PRXL2B: variants seen among roughly 807,000 people sequenced by gnomAD.
The protein encoded by PRXL2B is peroxiredoxin like 2B.
PRXL2B carries 26 observed loss-of-function variants against 24.4 expected under a neutral mutation model. The observed-to-expected ratio is 1.07, with a 90% CI of 0.78 to 1.48. The LOEUF is 1.48. Ranked by LOEUF, PRXL2B falls within the 40% of genes most tolerant of loss-of-function variation. The pLI, the probability that PRXL2B is intolerant of heterozygous loss-of-function variation, is 0.00. For missense variants in PRXL2B, 269 were observed against 264.8 expected (o/e 1.02, Z -0.11); for synonymous variants, 115 against 118.9 (o/e 0.97, Z 0.21).
chr1:2,586,794 C>T lies in PRXL2B; in HGVS notation c.-92C>T, dbSNP rs1004891429. 5 of 1,260,242 alleles carry T rather than the reference C, an allele frequency of 4.0e-6. No individual in the cohort carries two copies. The highest frequency in any genetic ancestry group is 4.2e-5 in the Admixed American group (1 of 23,714). The allele number at this position is 1,260,242 out of a possible 1,614,324, so 78.1% of individuals were successfully genotyped here. ...CTCGGGGCGGGGCTTGGGGCTGGAT[C>T]TATGAGCCGGGAGCGGGGATCCAGG... On this transcript the variant is annotated 5_prime_UTR_variant, in exon 1 of 7. Transcript: ENST00000419916.
chr1:2,589,509 T>C lies in PRXL2B; in HGVS notation c.*82T>C. ...GCTGGAAGTCCACTTGGAAGAACTGTTCCGGAGGCGCTGGGTCGGGATGCC... is the reference window on the plus strand; with the variant it reads ...GCTGGAAGTCCACTTGGAAGAACTGCTCCGGAGGCGCTGGGTCGGGATGCC... On this transcript the variant is annotated 3_prime_UTR_variant, in exon 7 of 7. Coordinates refer to ENST00000419916, the MANE Select transcript of PRXL2B (RefSeq NM_152371.5). 1 of 1,603,258 alleles carries C rather than the reference T, an allele frequency of 6.2e-7. No individual in the cohort carries two copies. The highest frequency in any genetic ancestry group is 8.5e-7 in the Non-Finnish European group (1 of 1,172,416).
chr1:2,587,624 G>T lies in PRXL2B; in HGVS notation c.269-117G>T. On this transcript the variant is annotated intron_variant, in intron 2 of 6. Coordinates refer to ENST00000419916, the MANE Select transcript of PRXL2B (RefSeq NM_152371.5). The surrounding 1 kb of genome is among the most constrained non-coding windows in gnomAD (Gnocchi z 6.1). Reference sequence around the variant, plus strand: ...TCCCTGCCCTGCGGGGGTGGGCTGAGCACGGAGGGTGGGCAGAGGAACAGA... The same window carrying T: ...TCCCTGCCCTGCGGGGGTGGGCTGATCACGGAGGGTGGGCAGAGGAACAGA... The T allele has an allele frequency of 8.0e-7, 1 of 1,252,054 alleles. No individual in the cohort carries two copies. Among genetic ancestry groups the T allele is most frequent in the East Asian group, 2.5e-5 (1 of 39,502 alleles). The allele number at this position is 1,252,054 out of a possible 1,614,324, so 77.6% of individuals were successfully genotyped here. A position where few individuals can be genotyped will look rare whatever the true frequency, so the allele number is the denominator to read the frequency against.
chr1:2,587,226 C>T lies in PRXL2B; in HGVS notation c.199C>T (p.Arg67Cys). 1 of 1,573,816 alleles carries T rather than the reference C, an allele frequency of 6.4e-7. No homozygotes were observed. The highest frequency in any genetic ancestry group is 2.3e-5 in the East Asian group (1 of 43,032). Residue 67 changes from arginine to cysteine, a missense_variant, in exon 2 of 7, where the codon CGC (arginine) becomes TGC (cysteine). By Grantham distance (180) the Arg-to-Cys change is radical. Coordinates refer to ENST00000419916, the MANE Select transcript of PRXL2B (RefSeq NM_152371.5). This position sits in a 1 kb window ranked among gnomAD's most constrained non-coding sequence, Gnocchi z 6.1. ...LAGLLDQHGVRLVGVGPEALG... is the reference protein window; with the variant it reads ...LAGLLDQHGVCLVGVGPEALG... ...TGGGCTCCTGGACCAACACGGCGTG[C>T]GCCTGGTGGGCGTAGGGCCCGAGGC...
intron 5 of PRXL2B, 138 bp from the exon 6 acceptor site, chr1:2,588,784 G>T: frequency 8.5e-7 from 1 of 1,179,560 alleles, no homozygotes. Flanking sequence ...TGGGGCTGTG[G>T]CAGAACAGCT....
rs1285646610 is a variant in PRXL2B, at chr1:2,587,904, C to T, written c.320+112C>T. 7 of 1,268,430 alleles carry T rather than the reference C, an allele frequency of 5.5e-6. No homozygotes were observed. In the South Asian group the frequency reaches 5.7e-5, roughly 10 times the overall value. 78.6% of individuals were successfully genotyped at this position (1,268,430 alleles called of 1,614,324 possible). On this transcript the variant is annotated intron_variant, in intron 3 of 6. Transcript: ENST00000419916. The surrounding 1 kb of genome is among the most constrained non-coding windows in gnomAD (Gnocchi z 6.1). ...CCTCTGTGGTGCTGTCCACTCGGGCCTTCCTGGGCAAGGCGGCTCTGGTGG... is the reference window on the plus strand; with the variant it reads ...CCTCTGTGGTGCTGTCCACTCGGGCTTTCCTGGGCAAGGCGGCTCTGGTGG...
chr1:2,587,420 A>T lies in PRXL2B; in HGVS notation c.268+125A>T, dbSNP rs1644551554. On this transcript the variant is annotated intron_variant, in intron 2 of 6. Coordinates refer to ENST00000419916, the MANE Select transcript of PRXL2B (RefSeq NM_152371.5). The surrounding 1 kb of genome is among the most constrained non-coding windows in gnomAD (Gnocchi z 6.1). The stretch of plus-strand genomic sequence containing the variant: ...AGCGGCCTTGATATGCCCACGGGTC[A>T]GCGTCCCTCATCTCTCCCTGCCTCC... 1 of 1,135,842 alleles carries T rather than the reference A, an allele frequency of 8.8e-7. No homozygotes were observed. The highest frequency in any genetic ancestry group is 1.6e-5 in the African/African-American group (1 of 64,112). The allele number at this position is 1,135,842 out of a possible 1,614,324, so 70.4% of individuals were successfully genotyped here.
rs866708289 is a variant in PRXL2B, at chr1:2,586,935, C to T, written c.50C>T (p.Ala17Val). The change falls in exon 1 of 7, where the codon GCG (alanine) becomes GTG (valine). Residue 17 changes from alanine (A) to valine (V), a missense_variant. Ala to Val is a moderately conservative substitution (Grantham distance 64). Coordinates refer to ENST00000419916, the MANE Select transcript of PRXL2B (RefSeq NM_152371.5). The part of the protein sequence containing the change: ...ARVGACILKH[A>V]VTGEAVELRS... ...GTGGGCGCGTGCATCCTGAAGCATG[C>T]GGTGACCGGGGAGGTGAGGCCGGGT... The T allele has an allele frequency of 7.7e-7, 1 of 1,302,442 alleles. No individual in the cohort carries two copies. The highest frequency in any genetic ancestry group is 2.6e-5 in the South Asian group (1 of 38,938). 80.7% of individuals were successfully genotyped at this position (1,302,442 alleles called of 1,614,324 possible). A position where few individuals can be genotyped will look rare whatever the true frequency, so the allele number is the denominator to read the frequency against.
rs1644671505 is a variant in PRXL2B at position 2,590,789 on chromosome 1, T to C, written c.*1362T>C. 4.8e-6 allele frequency: 2 copies of C among 414,724 alleles called. No individual in the cohort carries two copies. Among genetic ancestry groups the C allele is most frequent in the Admixed American group, 8.7e-5 (2 of 22,956 alleles). 25.7% of individuals were successfully genotyped at this position (414,724 alleles called of 1,614,324 possible). A position where few individuals can be genotyped will look rare whatever the true frequency, so the allele number is the denominator to read the frequency against. Reference sequence around the variant, plus strand: ...CGGGTGTCTGTGGAGGGGGCTCCGGTCCAGGTACTGCACTGGACACTGCTC... The same window carrying C: ...CGGGTGTCTGTGGAGGGGGCTCCGGCCCAGGTACTGCACTGGACACTGCTC... On this transcript the variant is annotated 3_prime_UTR_variant, in exon 7 of 7. Transcript: ENST00000419916.
Position 2,586,835 on chromosome 1 carries a change from G to T in PRXL2B, c.-51G>T, listed in dbSNP as rs372102464. ...GGGATCCAGGAGCGAGGAGCCGGGA[G>T]CGGGGAACAGGGAGTCGGGGAGCCG... On this transcript the variant is annotated 5_prime_UTR_variant, in exon 1 of 7. Transcript: ENST00000419916. 313 of 1,277,512 alleles carry T rather than the reference G, an allele frequency of 2.5e-4. No individual in the cohort carries two copies. The highest frequency in any genetic ancestry group is 3.0e-4 in the Non-Finnish European group (301 of 1,012,906). The allele number at this position is 1,277,512 out of a possible 1,614,324, so 79.1% of individuals were successfully genotyped here.
Position 2,589,554 on chromosome 1 carries a change from GGCA to G in PRXL2B, c.*131_*133del. On this transcript the variant is annotated 3_prime_UTR_variant, in exon 7 of 7. Coordinates refer to ENST00000419916, the MANE Select transcript of PRXL2B (RefSeq NM_152371.5). ...GATGCCGAACCTCTCCTGATCCGCCGGCAGCAACGAGCCATTAAAACTGCAGTT... is the reference window on the plus strand; with the variant it reads ...GATGCCGAACCTCTCCTGATCCGCCGGCAACGAGCCATTAAAACTGCAGTT... The G allele has an allele frequency of 7.4e-7, 1 of 1,355,564 alleles. No individual in the cohort carries two copies. Among genetic ancestry groups the G allele is most frequent in the Admixed American group, 2.0e-5 (1 of 48,794 alleles). The allele number at this position is 1,355,564 out of a possible 1,614,324, so 84.0% of individuals were successfully genotyped here.
chr1:2,590,981 G>C lies in PRXL2B; in HGVS notation c.*1554G>C, dbSNP rs1181239144. The C allele has an allele frequency of 6.4e-7, 1 of 1,568,924 alleles. No homozygotes were observed. The highest frequency in any genetic ancestry group is 8.6e-7 in the Non-Finnish European group (1 of 1,158,784). On this transcript the variant is annotated 3_prime_UTR_variant, in exon 7 of 7. Coordinates refer to ENST00000419916, the MANE Select transcript of PRXL2B (RefSeq NM_152371.5). ...TGGGCGTGGGCCGCACAGCGCGGCA[G>C]GGCCTTGGCTACCACACGCGGCATC...
At position 2,591,033 on chromosome 1, in the gene PRXL2B, C is replaced by T. The variant is rs199926063; in HGVS notation, c.*1606C>T. ...CTCCTTGGGGTGCATGGGGGTGCCC[C>T]GGGCACAGTGGAACGTGTCTGCGAA... On this transcript the variant is annotated 3_prime_UTR_variant, in exon 7 of 7. Coordinates refer to ENST00000419916, the MANE Select transcript of PRXL2B (RefSeq NM_152371.5). The T allele has an allele frequency of 1.1e-4, 183 of 1,606,000 alleles. 1 individual carries two copies. The East Asian group carries it at 2.9e-3, about 25-fold the overall frequency.
Position 2,591,027 on chromosome 1 carries a change from G to T in PRXL2B, c.*1600G>T, listed in dbSNP as rs754496396. The T allele has an allele frequency of 2.9e-5, 47 of 1,604,896 alleles. No individual in the cohort carries two copies. Among genetic ancestry groups the T allele is most frequent in the African/African-American group, 5.4e-5 (4 of 74,694 alleles). On this transcript the variant is annotated 3_prime_UTR_variant, in exon 7 of 7. Transcript: ENST00000419916. ...GCATCGCTCCTTGGGGTGCATGGGGGTGCCCCGGGCACAGTGGAACGTGTC... is the reference window on the plus strand; with the variant it reads ...GCATCGCTCCTTGGGGTGCATGGGGTTGCCCCGGGCACAGTGGAACGTGTC...
chr1:2,588,700 C>T (rs1461395447), intron 5 of PRXL2B, 75 bp downstream of exon 5: 20 of 1,510,312 alleles, frequency 1.3e-5, no homozygotes, highest in Non-Finnish European at 1.7e-5. Flanking sequence ...CCCAGGCCCT[C>T]TCTCTGGCTT....
chr1:2,586,944 G>T lies in PRXL2B; in HGVS notation c.59G>T (p.Gly20Val). 1 of 1,321,452 alleles carries T rather than the reference G, an allele frequency of 7.6e-7. No individual in the cohort carries two copies. The allele number at this position is 1,321,452 out of a possible 1,614,324, so 81.9% of individuals were successfully genotyped here. The change falls in exon 1 of 7, where the codon GGG (glycine) becomes GTG (valine). Residue 20 changes from glycine (G) to valine (V), a missense_variant. Coordinates refer to ENST00000419916, the MANE Select transcript of PRXL2B (RefSeq NM_152371.5). ...TGCATCCTGAAGCATGCGGTGACCG[G>T]GGAGGTGAGGCCGGGTGGACGCAGG... is the stretch of plus-strand genomic sequence containing the variant. ...GACILKHAVTGEAVELRSLWR... is the reference protein window; with the variant it reads ...GACILKHAVTVEAVELRSLWR...
chr1:2,587,880 C>G lies in PRXL2B; in HGVS notation c.320+88C>G. The G allele has an allele frequency of 1.4e-6, 2 of 1,443,018 alleles. No individual in the cohort carries two copies. The highest frequency in any genetic ancestry group is 1.9e-6 in the Non-Finnish European group (2 of 1,062,178). 89.4% of individuals were successfully genotyped at this position (1,443,018 alleles called of 1,614,324 possible). Reference sequence around the variant, plus strand: ...CCTGCCACCTCCTCTCCCTGCTGCCCTCTGTGGTGCTGTCCACTCGGGCCT... The same window carrying G: ...CCTGCCACCTCCTCTCCCTGCTGCCGTCTGTGGTGCTGTCCACTCGGGCCT... On this transcript the variant is annotated intron_variant, in intron 3 of 6. Transcript: ENST00000419916. The surrounding 1 kb of genome is among the most constrained non-coding windows in gnomAD (Gnocchi z 6.1).
Position 2,589,589 on chromosome 1 carries a change from C to T in PRXL2B, c.*162C>T, listed in dbSNP as rs1328365129. 1 of 937,596 alleles carries T rather than the reference C, an allele frequency of 1.1e-6. No individual in the cohort carries two copies. The highest frequency in any genetic ancestry group is 2.2e-5 in the Admixed American group (1 of 46,000). The allele number at this position is 937,596 out of a possible 1,614,324, so 58.1% of individuals were successfully genotyped here. On this transcript the variant is annotated 3_prime_UTR_variant, in exon 7 of 7. Coordinates refer to ENST00000419916, the MANE Select transcript of PRXL2B (RefSeq NM_152371.5). ...AGCCATTAAAACTGCAGTTCCTGAC[C>T]ACGCACTGCTTCGCAGGCTCCGAGC...
chr1:2,587,885 T>C lies in PRXL2B; in HGVS notation c.320+93T>C. 2.8e-6 allele frequency: 4 copies of C among 1,429,478 alleles called. No individual in the cohort carries two copies. Among genetic ancestry groups the C allele is most frequent in the Non-Finnish European group, 3.8e-6 (4 of 1,050,992 alleles). 88.5% of individuals were successfully genotyped at this position (1,429,478 alleles called of 1,614,324 possible). A position where few individuals can be genotyped will look rare whatever the true frequency, so the allele number is the denominator to read the frequency against. On this transcript the variant is annotated intron_variant, in intron 3 of 6. Coordinates refer to ENST00000419916, the MANE Select transcript of PRXL2B (RefSeq NM_152371.5). The surrounding 1 kb of genome is among the most constrained non-coding windows in gnomAD (Gnocchi z 6.1). ...CACCTCCTCTCCCTGCTGCCCTCTG[T>C]GGTGCTGTCCACTCGGGCCTTCCTG...
rs75483530 is a variant in PRXL2B at position 2,587,415 on chromosome 1, G to T, written c.268+120G>T. ...GCTGGAGCGGCCTTGATATGCCCACGGGTCAGCGTCCCTCATCTCTCCCTG... is the reference window on the plus strand; with the variant it reads ...GCTGGAGCGGCCTTGATATGCCCACTGGTCAGCGTCCCTCATCTCTCCCTG... On this transcript the variant is annotated intron_variant, in intron 2 of 6. Coordinates refer to ENST00000419916, the MANE Select transcript of PRXL2B (RefSeq NM_152371.5). This position sits in a 1 kb window ranked among gnomAD's most constrained non-coding sequence, Gnocchi z 6.1. The T allele has an allele frequency of 4.5e-3, 5,331 of 1,182,104 alleles. 170 individuals are homozygous for T. In the African/African-American group the frequency reaches 0.073, roughly 16 times the overall value. The allele number at this position is 1,182,104 out of a possible 1,614,324, so 73.2% of individuals were successfully genotyped here. A position where few individuals can be genotyped will look rare whatever the true frequency, so the allele number is the denominator to read the frequency against.
Sources: gnomAD v4.1 joint callset for allele counts on GRCh38, gnomAD v4.1.1 for gene constraint, Gnocchi (gnomAD v3.1) non-coding constraint, MANE v1.5 for transcripts, NCBI Gene and HGNC (gene_info 2026-07-23, HGNC 2026-07-21) for gene names.